Variants in PLEKHG1 observed in about 807,000 individuals in gnomAD.
PLEKHG1 encodes the protein pleckstrin homology domain-containing family G member 1.
PLEKHG1 carries 44 observed loss-of-function variants against 100.8 expected under a neutral mutation model. That is an observed-to-expected ratio of 0.44 (90% CI 0.34 to 0.56). The LOEUF is 0.56. PLEKHG1 is among the 20% of genes least tolerant of loss of function. The pLI, the probability that PLEKHG1 is intolerant of heterozygous loss-of-function variation, is 0.01. For synonymous variants in PLEKHG1, 640 were observed against 662.5 expected (o/e 0.97, Z 0.52); for missense variants, 1,545 against 1,720.9 (o/e 0.90, Z 1.81).
intron 1 of PLEKHG1, among the ~76,000 whole-genome samples, chr6:150,623,683 T>G (rs944181774): frequency 3.2e-4 from 49 of 152,354 alleles, no homozygotes; most frequent in African/African-American, 1.2e-3. Context: ...TTTCAGCCTA[T>G]TCACGAGGTT....
intron 1 of PLEKHG1, among the ~76,000 whole-genome samples, chr6:150,628,356 A>G (rs141016309): frequency 9.4e-4 from 143 of 152,254 alleles, no homozygotes; most frequent in African/African-American, 3.3e-3. Context: ...TATAAATTTC[A>G]AAGAGGATGT....
chr6:150,628,527 A>AACACACACACACACAC (rs565121317), intron 1 of PLEKHG1, among the ~76,000 whole-genome samples: 1,782 of 94,678 alleles, frequency 0.019, 36 homozygotes, highest in African/African-American at 0.025. Flanking sequence ...TAGATAGGAA[A>AACACACACACACACAC]ACACACACAC....
At chr6:150,672,214 C>G (rs1562425878) in intron 3 of PLEKHG1, among the ~76,000 whole-genome samples, 1 of 152,148 alleles carries the variant, frequency 6.6e-6, no homozygotes, top group Non-Finnish European at 1.5e-5. Flanking sequence ...CCCAATATTT[C>G]CCCCACCTAA....
At chr6:150,820,208 A>T (rs553058049) in intron 12 of PLEKHG1, among the ~76,000 whole-genome samples, 5 of 142,942 alleles carry the variant, frequency 3.5e-5, no homozygotes, top group African/African-American at 1.3e-4. Context: ...GACTCTGTCT[A>T]AAAAAAAAAA....
intron 15 of PLEKHG1, among the ~76,000 whole-genome samples, chr6:150,836,357 A>G (rs1431049409): frequency 3.3e-5 from 5 of 152,168 alleles, no homozygotes; most frequent in Admixed American, 3.3e-4. Flanking sequence ...CAGCCTGGGC[A>G]ACAGAGTGAG....
chr6:150,781,834 C>T (rs1461972859), intron 3 of PLEKHG1, among the ~76,000 whole-genome samples: 3 of 150,972 alleles, frequency 2.0e-5, no homozygotes, highest in African/African-American at 7.3e-5. Flanking sequence ...TGCAGTGGCC[C>T]GATCTCGGCT....
chr6:150,715,981 G>A (rs1174114357), intron 3 of PLEKHG1, among the ~76,000 whole-genome samples: 4 of 148,902 alleles, frequency 2.7e-5, no homozygotes, highest in Admixed American at 6.7e-5. Context: ...GGTGGCGGGC[G>A]CCTGTAGTCC....
chr6:150,839,418 G>C (rs572929538), intron 15 of PLEKHG1, among the ~76,000 whole-genome samples: 1 of 152,242 alleles, frequency 6.6e-6, no homozygotes, highest in East Asian at 1.9e-4. Context: ...GCCCAGCCCT[G>C]CGATGCTGCT....
chr6:150,749,474 A>G (rs1351805609), intron 2 of PLEKHG1, among the ~76,000 whole-genome samples: 1 of 152,164 alleles, frequency 6.6e-6, no homozygotes, highest in African/African-American at 2.4e-5. Flanking sequence ...AGTCTAAAGC[A>G]ATCTGTGACA....
intron 1 of PLEKHG1, chr6:150,633,353 C>T: frequency 6.5e-6 from 1 of 153,868 alleles, no homozygotes; most frequent in Non-Finnish European, 1.4e-5. Context: ...GAGCAGGACC[C>T]CAGTCCAGGG....
At chr6:150,787,572 T>C (rs762277092) in intron 4 of PLEKHG1, among the ~76,000 whole-genome samples, 2 of 152,244 alleles carry the variant, frequency 1.3e-5, no homozygotes, top group African/African-American at 2.4e-5. Context: ...TAATAAAAGT[T>C]CATGATGGCG....
intron 2 of PLEKHG1, among the ~76,000 whole-genome samples, chr6:150,642,593 A>G (rs1012316080): frequency 6.6e-6 from 1 of 152,194 alleles, no homozygotes; most frequent in African/African-American, 2.4e-5. Context: ...GCCTTTGGGC[A>G]TTGTCTTTAA....
intron 3 of PLEKHG1, among the ~76,000 whole-genome samples, chr6:150,704,628 T>C (rs1780932256): frequency 6.6e-6 from 1 of 152,274 alleles, no homozygotes; most frequent in Non-Finnish European, 1.5e-5. Context: ...TCCTGGGCCC[T>C]GTCCCTGAAA....
chr6:150,800,754 A>C lies in PLEKHG1; in HGVS notation c.665A>C (p.Lys222Thr), dbSNP rs759878970. 3 of 1,613,990 alleles carry C rather than the reference A, an allele frequency of 1.9e-6. No individual in the cohort carries two copies. The South Asian group carries it at 3.3e-5, about 18-fold the overall frequency. The stretch of plus-strand genomic sequence containing the variant: ...GTGCTAACAGAGTGTATGAGGAACA[A>C]GATACTGGCCAAATTCTTCAGGGAG... The change falls in exon 6 of 16, where the codon AAG (lysine) becomes ACG (threonine). Residue 222 changes from lysine (K) to threonine (T), a missense_variant. Lys to Thr is a moderately conservative substitution (Grantham distance 78). Coordinates refer to ENST00000358517, the Ensembl canonical transcript of PLEKHG1.
At chr6:150,752,833 G>T (rs935994644) in intron 2 of PLEKHG1, among the ~76,000 whole-genome samples, 5 of 152,168 alleles carry the variant, frequency 3.3e-5, no homozygotes, top group Admixed American at 1.3e-4. Flanking sequence ...TATTTTAGTC[G>T]TGGTACAGTG....
At chr6:150,808,291 A>G (rs1204741271) in intron 7 of PLEKHG1, among the ~76,000 whole-genome samples, 3 of 152,200 alleles carry the variant, frequency 2.0e-5, no homozygotes, top group African/African-American at 7.2e-5. Flanking sequence ...TGAGTAAGTA[A>G]ATTTAAACTC....
intron 2 of PLEKHG1, among the ~76,000 whole-genome samples, chr6:150,749,788 A>C (rs1282721545): frequency 6.6e-6 from 1 of 152,198 alleles, no homozygotes. Flanking sequence ...AAATGCACCC[A>C]AAGGGCTGGG....
intron 2 of PLEKHG1, among the ~76,000 whole-genome samples, chr6:150,744,600 A>G (rs1173618689): frequency 6.6e-6 from 1 of 152,156 alleles, no homozygotes; most frequent in African/African-American, 2.4e-5. Flanking sequence ...TAGAGAACAA[A>G]TTTACATTGT....
chr6:150,660,650 C>G (rs1779146992), intron 3 of PLEKHG1, among the ~76,000 whole-genome samples: 1 of 152,206 alleles, frequency 6.6e-6, no homozygotes, highest in Non-Finnish European at 1.5e-5. Context: ...ACCTCATACT[C>G]AGAGCCAGTT....
Sources: allele counts gnomAD v4.1 joint callset (sites outside exome capture counted in the v4.1 genomes callset), GRCh38; gene constraint gnomAD v4.1.1; transcripts MANE v1.5; gene names NCBI Gene and HGNC (gene_info 2026-07-23, HGNC 2026-07-21).